MAST4: variants seen among roughly 807,000 people sequenced by gnomAD.
MAST4 encodes the protein microtubule-associated serine/threonine-protein kinase 4.
MAST4 carries 89 observed loss-of-function variants against 162.7 expected under a neutral mutation model. The observed-to-expected ratio is 0.55, with a 90% CI of 0.46 to 0.65. The LOEUF (loss-of-function observed/expected upper bound fraction) is 0.65, where lower values mean the gene tolerates loss of function less well. MAST4 is among the 30% of genes least tolerant of loss of function. MAST4 has a pLI of 0.00. For synonymous variants in MAST4, 1,479 were observed against 1,361.1 expected (o/e 1.09, Z -1.91); for missense variants, 3,153 against 3,374.0 (o/e 0.93, Z 1.62).
chr5:67,122,161 T>G (rs1017946577), intron 14 of MAST4, among the ~76,000 whole-genome samples: 1 of 152,238 alleles, frequency 6.6e-6, no homozygotes, highest in African/African-American at 2.4e-5. Context: ...AGCCCAAGAA[T>G]TCTAGTTTAA....
intron 1 of MAST4, among the ~76,000 whole-genome samples, chr5:66,702,361 C>T (rs1468635352): frequency 1.3e-5 from 2 of 152,136 alleles, no homozygotes; most frequent in Non-Finnish European, 2.9e-5. Flanking sequence ...TCTCATGGAG[C>T]TGACATTAGG....
chr5:66,836,578 TGTG>T (rs1461581445), intron 3 of MAST4, among the ~76,000 whole-genome samples: 2 of 152,004 alleles, frequency 1.3e-5, no homozygotes, highest in African/African-American at 4.8e-5. Context: ...ATAAAGAAAA[TGTG>T]GTACATATAC....
intron 1 of MAST4, among the ~76,000 whole-genome samples, chr5:66,665,658 C>CTT (rs2149466497): frequency 6.6e-6 from 1 of 152,256 alleles, no homozygotes; most frequent in South Asian, 2.1e-4. Context: ...ATTTGAACTA[C>CTT]AGAGTCGTTA....
At chr5:66,690,472 C>T (rs1298187917) in intron 1 of MAST4, among the ~76,000 whole-genome samples, 2 of 152,120 alleles carry the variant, frequency 1.3e-5, no homozygotes, top group Admixed American at 6.6e-5. Flanking sequence ...TATTGCTTCC[C>T]AGCCACGAGC....
intron 4 of MAST4, among the ~76,000 whole-genome samples, chr5:67,041,697 C>T (rs772983009): frequency 2.6e-5 from 4 of 152,232 alleles, no homozygotes; most frequent in Non-Finnish European, 5.9e-5. Flanking sequence ...GGTGCGATCT[C>T]AGCTCACTGC....
rs1305933441 is a variant in MAST4 at position 67,165,177 on chromosome 5, C to G, written c.5998C>G (p.Leu2000Val). The G allele has an allele frequency of 7.5e-6, 12 of 1,604,952 alleles. No individual in the cohort carries two copies. Among genetic ancestry groups the G allele is most frequent in the Admixed American group, 5.1e-5 (3 of 58,396 alleles). ...ADTCREPSME[L>V]CFPETAKTSD... ...CACATGCAGAGAGCCCTCCATGGAA[C>G]TGTGCTTTCCAGAAACTGCGAAAAC... Residue 2000 changes from leucine (L) to valine (V), a missense_variant, in exon 29 of 29, where the codon CTG becomes GTG. By Grantham distance (32) the Leu-to-Val change is conservative. Transcript: ENST00000403625.
intron 1 of MAST4, among the ~76,000 whole-genome samples, chr5:66,691,195 A>G (rs988332560): frequency 6.6e-6 from 1 of 152,218 alleles, no homozygotes; most frequent in Non-Finnish European, 1.5e-5. Flanking sequence ...ATATACTAAA[A>G]AATTTTGAAA....
intron 4 of MAST4, among the ~76,000 whole-genome samples, chr5:66,951,269 T>A (rs1403457620): frequency 6.6e-6 from 1 of 152,202 alleles, no homozygotes; most frequent in African/African-American, 2.4e-5. Flanking sequence ...CCAACCCATG[T>A]TATCCTAAGA....
intron 26 of MAST4, among the ~76,000 whole-genome samples, chr5:67,157,356 C>A (rs572754823): frequency 1.3e-5 from 2 of 152,304 alleles, no homozygotes; most frequent in African/African-American, 4.8e-5. Flanking sequence ...CTTGTGGAGA[C>A]AAGAAACAGA....
chr5:66,893,215 TG>T (rs1262909492), intron 3 of MAST4, among the ~76,000 whole-genome samples: 9 of 152,190 alleles, frequency 5.9e-5, no homozygotes, highest in Admixed American at 3.9e-4. Flanking sequence ...TTTTTGATGT[TG>T]TTTTTTTAAG....
chr5:66,642,254 G>A (rs1745536248), intron 1 of MAST4, among the ~76,000 whole-genome samples: 1 of 152,208 alleles, frequency 6.6e-6, no homozygotes, highest in Non-Finnish European at 1.5e-5. Flanking sequence ...TGTGGATGCA[G>A]TCAGAAAAAT....
chr5:66,863,888 G>A (rs887713514), intron 3 of MAST4, among the ~76,000 whole-genome samples: 27 of 152,168 alleles, frequency 1.8e-4, no homozygotes, highest in African/African-American at 6.3e-4. Context: ...GCCTAGGGGT[G>A]GAAAAAGAGC....
intron 1 of MAST4, among the ~76,000 whole-genome samples, chr5:66,689,480 T>G (rs1203839384): frequency 3.3e-5 from 5 of 152,220 alleles, no homozygotes; most frequent in South Asian, 2.1e-4. Flanking sequence ...TTAGGTGAGC[T>G]TTTCCCTTCC....
chr5:66,712,409 G>T (rs1375885161), intron 1 of MAST4, among the ~76,000 whole-genome samples: 1 of 152,170 alleles, frequency 6.6e-6, no homozygotes, highest in Non-Finnish European at 1.5e-5. Flanking sequence ...CCCCATTTTA[G>T]ATCCTTTGTA....
In MAST4 at chr5:66,736,137, C is replaced by A. The variant is rs191978690; in HGVS notation, c.364-23572C>A. On this transcript the variant is annotated intron_variant, in intron 1 of 28. Transcript: ENST00000403625. ...ATCTTGTTTGTTTTAACCTTACTTG[C>A]ATACCATTGATCCTTCCTTTCCATC... Among the ~76,000 whole-genome samples, 251 of 152,252 alleles carry A rather than the reference C, an allele frequency of 1.6e-3. 2 individuals are homozygous for A. Among genetic ancestry groups the A allele is most frequent in the African/African-American group, 5.8e-3 (241 of 41,554 alleles).
intron 3 of MAST4, among the ~76,000 whole-genome samples, chr5:66,837,306 T>C (rs1758047582): frequency 6.6e-6 from 1 of 152,144 alleles, no homozygotes; most frequent in Non-Finnish European, 1.5e-5. Context: ...TAAAATAACA[T>C]GAAAATGTAC....
chr5:66,700,940 A>G (rs1749736541), intron 1 of MAST4, among the ~76,000 whole-genome samples: 4 of 131,230 alleles, frequency 3.0e-5, no homozygotes, highest in African/African-American at 9.1e-5. Flanking sequence ...ATATACTGAG[A>G]TCATCTTGGG....
chr5:66,696,057 A>G (rs1749377301), intron 1 of MAST4, among the ~76,000 whole-genome samples: 1 of 152,232 alleles, frequency 6.6e-6, no homozygotes, highest in Admixed American at 6.5e-5. Context: ...TTGCAGGGAC[A>G]TGGATAGAGG....
At chr5:66,913,427 A>T (rs1445612089) in intron 4 of MAST4, among the ~76,000 whole-genome samples, 1 of 152,222 alleles carries the variant, frequency 6.6e-6, no homozygotes, top group Non-Finnish European at 1.5e-5. Flanking sequence ...TTATTTTGAG[A>T]TTCGTCCATG....
Sources: gnomAD v4.1 joint callset for allele counts (sites outside exome capture counted in the v4.1 genomes callset) on GRCh38, gnomAD v4.1.1 for gene constraint, MANE v1.5 for transcripts, NCBI Gene and HGNC (gene_info 2026-07-23, HGNC 2026-07-21) for gene names.